GRM8: variants seen among roughly 807,000 people sequenced by gnomAD.
The protein encoded by GRM8 is glutamate metabotropic receptor 8.
GRM8 carries 47 observed loss-of-function variants against 87.2 expected under a neutral mutation model. That is an observed-to-expected ratio of 0.54 (90% confidence interval 0.43 to 0.69). The LOEUF (loss-of-function observed/expected upper bound fraction) is 0.69. Ranked by LOEUF, GRM8 falls within the 30% of genes least tolerant of loss-of-function variation. GRM8 has a pLI of 0.00. For synonymous variants in GRM8, 396 were observed against 404.5 expected (o/e 0.98, Z 0.25); for missense variants, 1,019 against 1,139.2 (o/e 0.89, Z 1.52).
At chr7:127,098,148 G>A (rs1271360690) in intron 3 of GRM8, among the ~76,000 whole-genome samples, 1 of 152,108 alleles carries the variant, frequency 6.6e-6, no homozygotes, top group Non-Finnish European at 1.5e-5. Context: ...CCAATTACCT[G>A]GTGTTAATAT....
At position 126,658,473 on chromosome 7, in the gene GRM8, C is replaced by A. The variant is rs528368717; in HGVS notation, c.1358-48975G>T. 5.9e-5 allele frequency among the ~76,000 whole-genome samples: 9 copies of A among 152,058 alleles called. No individual in the cohort carries two copies. The East Asian group carries it at 1.5e-3, about 26-fold the overall frequency. On this transcript the variant is annotated intron_variant, in intron 7 of 10. Transcript: ENST00000339582. ...CTAAAACTGGCAGTCTTGGAAGGAGCCTAAGAGAGCATCGAATCCAAGAAG... is the reference window on the plus strand; with the variant it reads ...CTAAAACTGGCAGTCTTGGAAGGAGACTAAGAGAGCATCGAATCCAAGAAG...
intron 3 of GRM8, among the ~76,000 whole-genome samples, chr7:127,002,227 A>C (rs1466742209): frequency 6.6e-6 from 1 of 151,676 alleles, no homozygotes; most frequent in Non-Finnish European, 1.5e-5. Flanking sequence ...AGAAATAAGG[A>C]TCTATACCCA....
rs1303427734 is a variant in GRM8 at position 127,163,834 on chromosome 7, A to AT, written c.511-57123dup. Reference sequence around the variant, plus strand: ...TCCATCATAAAGAAATTTTTTAATGATAAAAAAAATGTTTAAGCACCCCTT... The same window carrying AT: ...TCCATCATAAAGAAATTTTTTAATGATTAAAAAAAATGTTTAAGCACCCCTT... On this transcript the variant is annotated intron_variant, in intron 2 of 10. Coordinates refer to ENST00000339582, the MANE Select transcript of GRM8 (RefSeq NM_000845.3). 5.3e-5 allele frequency among the ~76,000 whole-genome samples: 8 copies of AT among 152,284 alleles called. No homozygotes were observed. In the East Asian group the frequency reaches 1.5e-3, roughly 29 times the overall value.
At chr7:127,177,452 G>A (rs1449094654) in intron 2 of GRM8, among the ~76,000 whole-genome samples, 1 of 152,204 alleles carries the variant, frequency 6.6e-6, no homozygotes, top group African/African-American at 2.4e-5. Context: ...AATCTTGGGA[G>A]TTCTAGGGCA....
At chr7:126,734,824 AAC>A (rs1386043948) in intron 7 of GRM8, among the ~76,000 whole-genome samples, 7 of 152,108 alleles carry the variant, frequency 4.6e-5, no homozygotes, top group Admixed American at 3.9e-4. Flanking sequence ...GTAAGAGTAA[AAC>A]AAAATATTTT....
chr7:126,953,324 G>A (rs977075146), intron 3 of GRM8, among the ~76,000 whole-genome samples: 3 of 152,016 alleles, frequency 2.0e-5, no homozygotes, highest in African/African-American at 7.2e-5. Flanking sequence ...AACACACTGA[G>A]GTTTTATTCC....
intron 6 of GRM8, among the ~76,000 whole-genome samples, chr7:126,825,297 A>G (rs1794660634): frequency 6.6e-6 from 1 of 151,996 alleles, no homozygotes. Flanking sequence ...CAATCTCCTG[A>G]CCTTGTGATC....
chr7:127,000,091 C>A (rs1264223338), intron 3 of GRM8, among the ~76,000 whole-genome samples: 1 of 151,790 alleles, frequency 6.6e-6, no homozygotes, highest in Non-Finnish European at 1.5e-5. Context: ...TCATTTGCAG[C>A]AACATGGATG....
At chr7:127,092,672 A>G (rs1483183098) in intron 3 of GRM8, among the ~76,000 whole-genome samples, 1 of 152,232 alleles carries the variant, frequency 6.6e-6, no homozygotes, top group Non-Finnish European at 1.5e-5. Flanking sequence ...GTGCCACTGC[A>G]CTACAGCCTG....
intron 8 of GRM8, among the ~76,000 whole-genome samples, chr7:126,586,342 T>C (rs548861278): frequency 2.0e-5 from 3 of 152,146 alleles, no homozygotes; most frequent in African/African-American, 7.2e-5. Flanking sequence ...TTAAAGTTCA[T>C]ATGAACCAAA....
intron 7 of GRM8, among the ~76,000 whole-genome samples, chr7:126,626,627 T>A (rs1800723903): frequency 6.6e-6 from 1 of 152,196 alleles, no homozygotes; most frequent in African/African-American, 2.4e-5. Context: ...TATAAATTAC[T>A]AAAGTTTTAT....
At chr7:127,082,566 C>G (rs1451398277) in intron 3 of GRM8, among the ~76,000 whole-genome samples, 6 of 152,140 alleles carry the variant, frequency 3.9e-5, no homozygotes, top group Admixed American at 3.9e-4. Flanking sequence ...AAGCATTAAG[C>G]TAAGAGGCTA....
intron 3 of GRM8, among the ~76,000 whole-genome samples, chr7:126,936,335 G>A (rs941787308): frequency 1.1e-4 from 17 of 152,044 alleles, no homozygotes; most frequent in Admixed American, 2.6e-4. Flanking sequence ...TTTTCATGAT[G>A]GATAGGCTCC....
Position 127,242,957 on chromosome 7 carries a change from A to G in GRM8, c.248T>C (p.Ile83Thr). 1.9e-6 allele frequency: 3 copies of G among 1,614,116 alleles called. No individual in the cohort carries two copies. The highest frequency in any genetic ancestry group is 2.5e-6 in the Non-Finnish European group (3 of 1,180,018). Residue 83 changes from isoleucine (I) to threonine (T), a missense_variant, in exon 2 of 11, where the codon ATT (isoleucine) becomes ACT (threonine). Physicochemically the swap from Ile to Thr is moderately conservative, Grantham distance 89 (BLOSUM62 -1). Transcript: ENST00000339582. ...ATCAGGGTCCTTGTTAATCTGGTCA[A>G]TTGCATAAAGCATGGCCTCCAGTCT... ...IHRLEAMLYA[I>T]DQINKDPDLL...
chr7:126,724,759 C>CAA (rs34920309), intron 7 of GRM8, among the ~76,000 whole-genome samples: 12 of 121,904 alleles, frequency 9.8e-5, no homozygotes, highest in Admixed American at 2.6e-4. Flanking sequence ...AAACTATTTG[C>CAA]AAAAAAAAAA....
chr7:126,586,514 G>C (rs1341295128), intron 8 of GRM8, among the ~76,000 whole-genome samples: 7 of 152,100 alleles, frequency 4.6e-5, no homozygotes, highest in Non-Finnish European at 1.0e-4. Flanking sequence ...AGAGCCCTCA[G>C]AAATAATAAC....
chr7:127,124,643 A>G (rs1827262107), intron 2 of GRM8, among the ~76,000 whole-genome samples: 1 of 152,142 alleles, frequency 6.6e-6, no homozygotes, highest in Non-Finnish European at 1.5e-5. Flanking sequence ...AGACTTCTCT[A>G]AAATGCAAAC....
intron 2 of GRM8, among the ~76,000 whole-genome samples, chr7:127,238,047 A>G (rs1798075987): frequency 6.6e-6 from 1 of 152,130 alleles, no homozygotes; most frequent in Non-Finnish European, 1.5e-5. Context: ...TCCTTTTTAA[A>G]TTCTTTCAAA....
At chr7:126,988,318 A>G (rs559799502) in intron 3 of GRM8, among the ~76,000 whole-genome samples, 2 of 152,366 alleles carry the variant, frequency 1.3e-5, no homozygotes, top group East Asian at 1.9e-4. Flanking sequence ...ACCACTTTAC[A>G]TATTTCCAGC....
Sources: gnomAD v4.1 joint callset for allele counts (sites outside exome capture counted in the v4.1 genomes callset) on GRCh38, gnomAD v4.1.1 for gene constraint, MANE v1.5 for transcripts, NCBI Gene and HGNC (gene_info 2026-07-23, HGNC 2026-07-21) for gene names.